Variants in CA10 observed in about 807,000 individuals in gnomAD.
The protein encoded by CA10 is carbonic anhydrase 10 (inactive).
CA10 carries 14 observed loss-of-function variants against 44.2 expected under a neutral mutation model. The observed-to-expected ratio is 0.32, with a 90% confidence interval of 0.21 to 0.50. The LOEUF (loss-of-function observed/expected upper bound fraction) is 0.50, where lower values mean the gene tolerates loss of function less well. Ranked by LOEUF, CA10 falls within the 20% of genes least tolerant of loss-of-function variation. The pLI, the probability that CA10 is intolerant of heterozygous loss-of-function variation, is 0.99. For synonymous variants in CA10, 159 were observed against 141.6 expected (o/e 1.12, Z -0.87); for missense variants, 350 against 409.7 (o/e 0.85, Z 1.26).
chr17:51,671,048 G>A (rs1190291455), intron 4 of CA10, among the ~76,000 whole-genome samples: 1 of 152,174 alleles, frequency 6.6e-6, no homozygotes, highest in African/African-American at 2.4e-5. Flanking sequence ...CCTATAGTTA[G>A]TGTTTTACTT....
intron 3 of CA10, among the ~76,000 whole-genome samples, chr17:51,912,519 A>G (rs1270547383): frequency 1.3e-5 from 2 of 152,176 alleles, no homozygotes; most frequent in Non-Finnish European, 2.9e-5. Context: ...CTTGCCTGCC[A>G]TTTCTCTTCT....
At chr17:52,040,382 G>T (rs1372426936) in intron 2 of CA10, among the ~76,000 whole-genome samples, 8 of 151,788 alleles carry the variant, frequency 5.3e-5, no homozygotes, top group Non-Finnish European at 1.0e-4. Flanking sequence ...ATAGCAATTT[G>T]CTCTCTGTTT....
intron 5 of CA10, among the ~76,000 whole-genome samples, chr17:51,652,274 T>TAAAC (rs1244738576): frequency 6.6e-6 from 1 of 152,256 alleles, no homozygotes; most frequent in African/African-American, 2.4e-5. Context: ...AGTTTATTAC[T>TAAAC]AAACAACAAA....
intron 1 of CA10, among the ~76,000 whole-genome samples, chr17:52,105,663 A>C (rs1988646344): frequency 6.6e-6 from 1 of 152,256 alleles, no homozygotes; most frequent in Non-Finnish European, 1.5e-5. Flanking sequence ...GGGATTAAGT[A>C]AGATGGAAAT....
At chr17:51,696,976 A>G (rs1050549624) in intron 4 of CA10, among the ~76,000 whole-genome samples, 4 of 151,970 alleles carry the variant, frequency 2.6e-5, no homozygotes, top group African/African-American at 9.7e-5. Context: ...ATCTGTGTCT[A>G]TGTGTTTTGG....
At chr17:51,659,139 A>T (rs1913906899) in intron 4 of CA10, among the ~76,000 whole-genome samples, 2 of 152,186 alleles carry the variant, frequency 1.3e-5, no homozygotes, top group Admixed American at 1.3e-4. Context: ...AGGCTGAGTA[A>T]AGAAGATCTG....
intron 3 of CA10, among the ~76,000 whole-genome samples, chr17:51,833,041 G>C (rs1908340534): frequency 6.6e-6 from 1 of 152,184 alleles, no homozygotes; most frequent in Non-Finnish European, 1.5e-5. Flanking sequence ...GGAGTTTCTG[G>C]AATGGATGGA....
At chr17:52,146,337 A>T (rs907438189) in intron 1 of CA10, among the ~76,000 whole-genome samples, 13 of 152,202 alleles carry the variant, frequency 8.5e-5, no homozygotes, top group Non-Finnish European at 1.6e-4. Flanking sequence ...AGGCAGGAGG[A>T]TCACTTGAGG....
At chr17:51,767,068 A>C (rs766287049) in intron 3 of CA10, among the ~76,000 whole-genome samples, 1 of 152,218 alleles carries the variant, frequency 6.6e-6, no homozygotes, top group African/African-American at 2.4e-5. Context: ...GACTAAATCC[A>C]ACTATTGTGC....
intron 3 of CA10, 75 bp from the exon 4 acceptor site, chr17:51,747,893 G>T: frequency 1.8e-6 from 2 of 1,142,152 alleles, no homozygotes; most frequent in Non-Finnish European, 2.5e-6. Context: ...ATGGTGCTTG[G>T]ATCAACACCT....
intron 5 of CA10, among the ~76,000 whole-genome samples, chr17:51,651,864 G>A (rs1349167155): frequency 6.6e-6 from 1 of 152,178 alleles, no homozygotes; most frequent in Non-Finnish European, 1.5e-5. Context: ...GGGGAAGTGA[G>A]CTCCTGGACA....
intron 3 of CA10, 24 bp downstream of exon 3, chr17:51,930,966 C>T (rs1255939897): frequency 6.2e-7 from 1 of 1,611,254 alleles, no homozygotes; most frequent in Admixed American, 1.7e-5. Context: ...TCAACTTTAC[C>T]ATGGAAGCAA....
At chr17:52,080,370 T>A (rs1987938391) in intron 1 of CA10, among the ~76,000 whole-genome samples, 3 of 151,796 alleles carry the variant, frequency 2.0e-5, no homozygotes, top group Admixed American at 2.0e-4. Flanking sequence ...GAGAATGGCA[T>A]GAACCAGGGA....
At chr17:51,801,451 G>A (rs9914131) in intron 3 of CA10, among the ~76,000 whole-genome samples, 3,814 of 151,968 alleles carry the variant, frequency 0.025, 155 homozygotes, top group African/African-American at 0.086. Context: ...TCTTAACAGC[G>A]TGAGTGTGCT....
intron 1 of CA10, among the ~76,000 whole-genome samples, chr17:52,141,750 G>C (rs182802151): frequency 1.3e-5 from 2 of 152,270 alleles, no homozygotes; most frequent in South Asian, 4.1e-4. Flanking sequence ...ATCTAGAAGG[G>C]ACTTGGTGGT....
intron 2 of CA10, among the ~76,000 whole-genome samples, chr17:51,975,737 C>A (rs1192159420): frequency 1.3e-5 from 2 of 151,492 alleles, no homozygotes; most frequent in Non-Finnish European, 2.9e-5. Context: ...GTGGGGTATG[C>A]CCATAGTCCC....
intron 2 of CA10, among the ~76,000 whole-genome samples, chr17:52,063,742 A>T (rs952309828): frequency 6.6e-6 from 1 of 152,122 alleles, no homozygotes; most frequent in African/African-American, 2.4e-5. Context: ...CTTCTTGTAC[A>T]CCAGCCTGTA....
chr17:52,015,985 A>C (rs1193992386), intron 2 of CA10, among the ~76,000 whole-genome samples: 3 of 152,130 alleles, frequency 2.0e-5, no homozygotes, highest in Non-Finnish European at 4.4e-5. Context: ...AGTAGACATC[A>C]GAGTTCCAGG....
chr17:51,934,072 T>C (rs1982769853), intron 2 of CA10, among the ~76,000 whole-genome samples: 1 of 152,090 alleles, frequency 6.6e-6, no homozygotes, highest in African/African-American at 2.4e-5. Context: ...GAGGAAGAAG[T>C]GAGAAACCTC....
Sources: gnomAD v4.1 joint callset for allele counts (sites outside exome capture counted in the v4.1 genomes callset) on GRCh38, gnomAD v4.1.1 for gene constraint, MANE v1.5 for transcripts, NCBI Gene and HGNC (gene_info 2026-07-23, HGNC 2026-07-21) for gene names.